RBBP6: variants seen among roughly 807,000 people sequenced by gnomAD.
The protein encoded by RBBP6 is RB binding protein 6, ubiquitin ligase, also known as E3 ubiquitin-protein ligase RBBP6.
In RBBP6, 25 loss-of-function variants were observed where a neutral mutation model predicts 167.7. The observed-to-expected ratio is 0.15, with a 90% CI of 0.11 to 0.21. The LOEUF is 0.21. RBBP6 is among the 10% of genes least tolerant of loss of function. The pLI, the probability that RBBP6 is intolerant of heterozygous loss-of-function variation, is 1.00. For missense variants in RBBP6, 1,868 were observed against 2,134.2 expected (o/e 0.88, Z 2.46); for synonymous variants, 789 against 735.8 (o/e 1.07, Z -1.17).
chr16:24,544,667 T>C (rs1898590962), intron 1 of RBBP6, among the ~76,000 whole-genome samples: 1 of 152,214 alleles, frequency 6.6e-6, no homozygotes, highest in Admixed American at 6.5e-5. Flanking sequence ...AATTTTTCTT[T>C]TTGGTAATTT....
rs747289496 is a variant in RBBP6 at position 24,571,482 on chromosome 16, C to CA, written c.4423dup (p.Thr1475AsnfsTer2). The CA allele has an allele frequency of 6.2e-7, 1 of 1,611,072 alleles. No homozygotes were observed. The highest frequency in any genetic ancestry group is 8.5e-7 in the Non-Finnish European group (1 of 1,179,332). On this transcript the variant is annotated frameshift_variant, in exon 18 of 18. Coordinates refer to ENST00000319715, the MANE Select transcript of RBBP6 (RefSeq NM_006910.5). LOFTEE classifies it high-confidence loss of function. ...ATAAAGACTTCACTCCCAATAGAGACAAAAAAACTGACTATGACACCAGAG... is the reference window on the plus strand; with the variant it reads ...ATAAAGACTTCACTCCCAATAGAGACAAAAAAAACTGACTATGACACCAGAG...
chr16:24,548,562 G>C (rs111683024), intron 2 of RBBP6, among the ~76,000 whole-genome samples: 1 of 152,116 alleles, frequency 6.6e-6, no homozygotes, highest in Admixed American at 6.5e-5. Context: ...CAGTCTTCCT[G>C]ATGTGTGAAA....
chr16:24,560,398 G>C (rs192454005), intron 8 of RBBP6, among the ~76,000 whole-genome samples: 2 of 152,268 alleles, frequency 1.3e-5, no homozygotes, highest in Middle Eastern at 3.4e-3. Flanking sequence ...GAGCCACCGC[G>C]CCCGACATCT....
rs1823443569 is a variant in RBBP6, at chr16:24,540,522, C to CT, written c.-102dup. 3 of 1,213,890 alleles carry CT rather than the reference C, an allele frequency of 2.5e-6. No individual in the cohort carries two copies. The highest frequency in any genetic ancestry group is 2.5e-5 in the Admixed American group (1 of 40,598). The allele number at this position is 1,213,890 out of a possible 1,614,324, so 75.2% of individuals were successfully genotyped here. On this transcript the variant is annotated 5_prime_UTR_variant, in exon 1 of 18. Coordinates refer to ENST00000319715, the MANE Select transcript of RBBP6 (RefSeq NM_006910.5). ...CTGAGGCCTTAGGGTCCTTCGGTGT[C>CT]TTTGAGTGTTTTGTGTGTACATATT...
At chr16:24,552,549 A>C (rs1898821735) in intron 3 of RBBP6, among the ~76,000 whole-genome samples, 1 of 151,918 alleles carries the variant, frequency 6.6e-6, no homozygotes, top group African/African-American at 2.4e-5. Flanking sequence ...AAATCATTTC[A>C]GAGGATCAAA....
rs1329728371 is a variant in RBBP6, at chr16:24,540,373, A to T, written c.-254A>T. 2.7e-6 allele frequency: 1 copy of T among 371,110 alleles called. No individual in the cohort carries two copies. Among genetic ancestry groups the T allele is most frequent in the East Asian group, 4.8e-5 (1 of 20,724 alleles). 23.0% of individuals were successfully genotyped at this position (371,110 alleles called of 1,614,324 possible). On this transcript the variant is annotated 5_prime_UTR_variant, in exon 1 of 18. Coordinates refer to ENST00000319715, the MANE Select transcript of RBBP6 (RefSeq NM_006910.5). ...CGGGTGACATTGTGCCCGTTGGCGG[A>T]TTCTCGATTTCCCCTCTTCCCCGTC...
chr16:24,554,038 C>T (rs1489599415), intron 4 of RBBP6: 1 of 152,822 alleles, frequency 6.5e-6, no homozygotes, highest in Non-Finnish European at 1.5e-5. Flanking sequence ...TGTAGTCTGT[C>T]TGCATTAGGA....
chr16:24,558,164 A>G (rs569447744), intron 7 of RBBP6, among the ~76,000 whole-genome samples: 1 of 152,332 alleles, frequency 6.6e-6, no homozygotes, highest in South Asian at 2.1e-4. Context: ...TGTGTTGGAA[A>G]AATTAGTATC....
chr16:24,566,209 C>T (rs1247453792), intron 14 of RBBP6, among the ~76,000 whole-genome samples: 2 of 152,222 alleles, frequency 1.3e-5, no homozygotes, highest in African/African-American at 2.4e-5. Flanking sequence ...TAAACCCCTA[C>T]TGTTGCTGTT....
At chr16:24,563,069 C>T in intron 10 of RBBP6, 130 bp from the exon 11 acceptor site, 1 of 646,340 alleles carries the variant, frequency 1.5e-6, no homozygotes, top group Non-Finnish European at 2.6e-6. Context: ...TCACTTTCCT[C>T]AGAAGTATTC....
chr16:24,556,391 T>C lies in RBBP6; in HGVS notation c.618T>C (p.Asn206=). The change falls in exon 7 of 18, where the codon AAT becomes AAC. Residue 206 remains asparagine (N), a synonymous_variant. Transcript: ENST00000319715. ...RSFMMEVKDP[N]MKGAMLTNTG... ...TCATGATGGAAGTGAAAGATCCTAA[T>C]ATGAAAGGTGCAATGCTTACCAACA... 6.2e-7 allele frequency: 1 copy of C among 1,605,320 alleles called. No individual in the cohort carries two copies. Among genetic ancestry groups the C allele is most frequent in the South Asian group, 1.1e-5 (1 of 90,896 alleles).
At chr16:24,558,270 G>C (rs1898966224) in intron 7 of RBBP6, among the ~76,000 whole-genome samples, 1 of 152,110 alleles carries the variant, frequency 6.6e-6, no homozygotes, top group Non-Finnish European at 1.5e-5. Context: ...ACTGGGGAAA[G>C]ATGGGAATCT....
Position 24,570,163 on chromosome 16 carries a change from A to C in RBBP6, c.3473A>C (p.Lys1158Thr). 6.3e-7 allele frequency: 1 copy of C among 1,594,560 alleles called. No individual in the cohort carries two copies. Among genetic ancestry groups the C allele is most frequent in the Non-Finnish European group, 8.5e-7 (1 of 1,175,522 alleles). ...KRKTEEKGVD[K>T]DFESSSMKIS... is the part of the protein sequence containing the mutation. ...AAAACTGAAGAAAAAGGCGTAGATAAAGATTTTGAGTCTTCTTCAATGAAA... is the reference window on the plus strand; with the variant it reads ...AAAACTGAAGAAAAAGGCGTAGATACAGATTTTGAGTCTTCTTCAATGAAA... The change falls in exon 17 of 18, where the codon AAA (lysine) becomes ACA (threonine). Residue 1158 changes from lysine to threonine, a missense_variant. Transcript: ENST00000319715.
At chr16:24,542,844 C>A (rs1898538999) in intron 1 of RBBP6, among the ~76,000 whole-genome samples, 1 of 151,832 alleles carries the variant, frequency 6.6e-6, no homozygotes. Flanking sequence ...TTTTCCTAGC[C>A]CAGGAAATAA....
Position 24,569,587 on chromosome 16 carries a change from T to C in RBBP6, c.2897T>C (p.Val966Ala). ...TSRKSREPTG[V>A]EENKTDSLFV... Reference sequence around the variant, plus strand: ...AGGAAATCAAGAGAACCTACAGGTGTTGAAGAAAATAAAACAGACTCATTG... The same window carrying C: ...AGGAAATCAAGAGAACCTACAGGTGCTGAAGAAAATAAAACAGACTCATTG... Residue 966 changes from valine (V) to alanine (A), a missense_variant, in exon 17 of 18, where the codon GTT becomes GCT. By Grantham distance (64) the Val-to-Ala change is moderately conservative. Around this residue, in one of 7 missense-constraint regions of RBBP6, gnomAD observed 673 missense variants for 691.5 expected, o/e 0.97. Coordinates refer to ENST00000319715, the MANE Select transcript of RBBP6 (RefSeq NM_006910.5). 1 of 1,612,350 alleles carries C rather than the reference T, an allele frequency of 6.2e-7. No homozygotes were observed. The highest frequency in any genetic ancestry group is 8.5e-7 in the Non-Finnish European group (1 of 1,179,616).
At chr16:24,567,080 AAGCT>A in intron 14 of RBBP6, 59 bp from the exon 15 acceptor site, 6 of 1,496,236 alleles carry the variant, frequency 4.0e-6, no homozygotes, top group Non-Finnish European at 5.5e-6. Context: ...TAGAAGAGAT[AAGCT>A]TACTTGTCTC....
At position 24,572,298 on chromosome 16, in the gene RBBP6, TAAG is replaced by T. The variant is rs766999888; in HGVS notation, c.5236_5238del (p.Lys1746del). The T allele has an allele frequency of 5.7e-6, 9 of 1,582,892 alleles. No individual in the cohort carries two copies. Among genetic ancestry groups the T allele is most frequent in the South Asian group, 2.3e-5 (2 of 88,074 alleles). On this transcript the variant is annotated inframe_deletion, in exon 18 of 18. Coordinates refer to ENST00000319715, the MANE Select transcript of RBBP6 (RefSeq NM_006910.5). ...AAAAACACAAGAAACATAAAAAGCA[TAAG>T]AAGCATAAGAAACATGCAGGCACTG...
At chr16:24,568,648 G>T in intron 16 of RBBP6, 97 bp from the exon 17 acceptor site, 1 of 1,442,788 alleles carries the variant, frequency 6.9e-7, no homozygotes, top group Non-Finnish European at 9.1e-7. Flanking sequence ...TATAAAGATA[G>T]ATGAAACCGT....
rs577556130 is a variant in RBBP6 at position 24,564,732 on chromosome 16, A to G, written c.1521-65A>G. 9.9e-4 allele frequency: 1,521 copies of G among 1,537,206 alleles called. 4 individuals are homozygous for G. Among genetic ancestry groups the G allele is most frequent in the South Asian group, 2.1e-3 (157 of 76,382 alleles). ...AAAATTGGTGTCTTAACAGCTATGC[A>G]TGGAAAGGTCATGTATTATACCCAT... On this transcript the variant is annotated intron_variant, in intron 13 of 17. Transcript: ENST00000319715.
Sources: gnomAD v4.1 joint callset for allele counts (sites outside exome capture counted in the v4.1 genomes callset) on GRCh38, gnomAD v4.1.1 for gene constraint, gnomAD v4.1.1 regional missense constraint, MANE v1.5 for transcripts, NCBI Gene and HGNC (gene_info 2026-07-23, HGNC 2026-07-21) for gene names.